The following ROBO2 variants were observed in gnomAD, a reference collection of about 807,000 sequenced individuals.
ROBO2 encodes the protein roundabout guidance receptor 2.
ROBO2 carries 53 observed loss-of-function variants against 160.8 expected under a neutral mutation model. The observed-to-expected ratio is 0.33, with a 90% CI of 0.26 to 0.41. The LOEUF is 0.41. Ranked by LOEUF, ROBO2 falls within the 10% of genes least tolerant of loss-of-function variation. The pLI is 1.00. For missense variants in ROBO2, 1,577 were observed against 1,722.4 expected (o/e 0.92, Z 1.49); for synonymous variants, 664 against 611.7 (o/e 1.09, Z -1.26).
intron 2 of ROBO2, among the ~76,000 whole-genome samples, chr3:76,214,568 G>A (rs1429398719): frequency 6.6e-6 from 1 of 152,192 alleles, no homozygotes; most frequent in African/African-American, 2.4e-5. Flanking sequence ...CTCATTGCTA[G>A]CACAGCAGTC....
At chr3:76,367,452 C>A (rs1051816688) in intron 2 of ROBO2, among the ~76,000 whole-genome samples, 1 of 151,836 alleles carries the variant, frequency 6.6e-6, no homozygotes, top group Non-Finnish European at 1.5e-5. Flanking sequence ...TAGCACATTG[C>A]GGGATACTAG....
intron 2 of ROBO2, among the ~76,000 whole-genome samples, chr3:76,863,398 AC>A (rs1295274154): frequency 6.6e-6 from 1 of 150,862 alleles, no homozygotes; most frequent in Non-Finnish European, 1.5e-5. Context: ...TGATTACGTC[AC>A]TCCATTCCAG....
chr3:76,685,851 AT>A (rs1305284838), intron 2 of ROBO2, among the ~76,000 whole-genome samples: 2 of 152,144 alleles, frequency 1.3e-5, no homozygotes, highest in Non-Finnish European at 2.9e-5. Context: ...TATTTAAATG[AT>A]TTAGATACGC....
At chr3:77,190,967 T>A (rs1344757386) in intron 2 of ROBO2, among the ~76,000 whole-genome samples, 2 of 152,092 alleles carry the variant, frequency 1.3e-5, no homozygotes, top group East Asian at 3.9e-4. Context: ...AAGTCCATTT[T>A]TAAATAGGTG....
intron 17 of ROBO2, among the ~76,000 whole-genome samples, chr3:77,593,992 C>T (rs370935450): frequency 2.0e-5 from 3 of 152,002 alleles, no homozygotes; most frequent in African/African-American, 4.8e-5. Context: ...TCCTTCATCC[C>T]GGTGATTGGT....
chr3:77,086,419 C>T lies in ROBO2; in HGVS notation c.62-11595C>T, dbSNP rs545621301. On this transcript the variant is annotated intron_variant, in intron 1 of 25. Transcript: ENST00000461745. ...ATTTGCCTGAGTTCACACTTCTTTT[C>T]GGCATTTGAAAAAGAAATTTCAAGT... Among the ~76,000 whole-genome samples, 210 of 152,166 alleles carry T rather than the reference C, an allele frequency of 1.4e-3. 1 individual carries two copies. The highest frequency in any genetic ancestry group is 2.5e-3 in the Non-Finnish European group (167 of 67,976).
chr3:76,869,539 C>T lies in ROBO2; in HGVS notation c.110-228475C>T, dbSNP rs547974604. Among the ~76,000 whole-genome samples, 469 of 151,552 alleles carry T rather than the reference C, an allele frequency of 3.1e-3. 2 individuals are homozygous for T. The highest frequency in any genetic ancestry group is 4.0e-3 in the Non-Finnish European group (270 of 67,862). On this transcript the variant is annotated intron_variant, in intron 2 of 26. Coordinates refer to the ROBO2 transcript ENST00000487694. ...ATTTTTTTTGTATTTTTAGTGGAGA[C>T]GGGGTTTCACCGTGTTGGCCAGGAT...
chr3:76,602,081 T>C (rs2087194353), intron 2 of ROBO2, among the ~76,000 whole-genome samples: 1 of 152,314 alleles, frequency 6.6e-6, no homozygotes, highest in East Asian at 1.9e-4. Flanking sequence ...TGCTCCAGTT[T>C]CCAGCAGGTT....
intron 2 of ROBO2, among the ~76,000 whole-genome samples, chr3:77,233,299 G>T (rs1560300270): frequency 6.6e-6 from 1 of 152,158 alleles, no homozygotes; most frequent in African/African-American, 2.4e-5. Flanking sequence ...TAATGCAAAA[G>T]AAATAATCCT....
At chr3:76,006,933 T>A (rs72630355) in intron 2 of ROBO2, among the ~76,000 whole-genome samples, 42,584 of 151,794 alleles carry the variant, frequency 0.28, 6,281 homozygotes, top group East Asian at 0.36. Flanking sequence ...ATTTCTTTTT[T>A]AAAAAATATA....
chr3:77,433,917 T>G (rs756932552), intron 2 of ROBO2, among the ~76,000 whole-genome samples: 3 of 152,086 alleles, frequency 2.0e-5, no homozygotes, highest in Non-Finnish European at 4.4e-5. Context: ...CTAAATATAA[T>G]TGGGAATCCA....
chr3:77,088,605 A>G (rs1219016341), intron 1 of ROBO2, among the ~76,000 whole-genome samples: 1 of 152,170 alleles, frequency 6.6e-6, no homozygotes. Context: ...TAAGATACCT[A>G]TCCAATATAG....
At chr3:76,134,690 C>T (rs953139600) in intron 2 of ROBO2, among the ~76,000 whole-genome samples, 12 of 151,976 alleles carry the variant, frequency 7.9e-5, no homozygotes, top group East Asian at 1.9e-4. Context: ...TGACCCCTTA[C>T]GAAAGGACCA....
At chr3:77,191,001 G>C (rs945981650) in intron 2 of ROBO2, among the ~76,000 whole-genome samples, 1 of 151,974 alleles carries the variant, frequency 6.6e-6, no homozygotes, top group South Asian at 2.1e-4. Flanking sequence ...TTCAAATGTT[G>C]TAAGCAAAAA....
At position 77,618,470 on chromosome 3, in the gene ROBO2, A is replaced by G. The variant is rs1465668346; in HGVS notation, c.3554+697A>G. Among the ~76,000 whole-genome samples the G allele has an allele frequency of 2.0e-5, 3 of 152,306 alleles. No individual in the cohort carries two copies. The East Asian group carries it at 5.8e-4, about 29-fold the overall frequency. Reference sequence around the variant, plus strand: ...ATGGGACTAACGCTAACAGTTTTATACAGGATTTTTGTTATTCAATCTTTC... The same window carrying G: ...ATGGGACTAACGCTAACAGTTTTATGCAGGATTTTTGTTATTCAATCTTTC... On this transcript the variant is annotated intron_variant, in intron 22 of 25. Transcript: ENST00000461745.
chr3:77,420,722 C>A (rs1581801171), intron 2 of ROBO2, among the ~76,000 whole-genome samples: 1 of 152,222 alleles, frequency 6.6e-6, no homozygotes, highest in East Asian at 1.9e-4. Flanking sequence ...CCTGAAGCTC[C>A]TTTCAGGCTA....
At chr3:77,244,957 T>TA (rs2089544320) in intron 2 of ROBO2, among the ~76,000 whole-genome samples, 1 of 151,122 alleles carries the variant, frequency 6.6e-6, no homozygotes, top group African/African-American at 2.4e-5. Context: ...AACAGCTTTT[T>TA]TTTTTTATCA....
At chr3:76,477,082 A>G (rs1312781391) in intron 2 of ROBO2, among the ~76,000 whole-genome samples, 1 of 152,000 alleles carries the variant, frequency 6.6e-6, no homozygotes, top group Non-Finnish European at 1.5e-5. Flanking sequence ...GATCCTGTCT[A>G]CTCCGTGGAG....
At chr3:77,162,874 G>A (rs2078617507) in intron 2 of ROBO2, among the ~76,000 whole-genome samples, 1 of 151,726 alleles carries the variant, frequency 6.6e-6, no homozygotes, top group African/African-American at 2.4e-5. Flanking sequence ...CTGTCTCCCA[G>A]GCTGGAGTTT....
Sources: allele counts gnomAD v4.1 joint callset (sites outside exome capture counted in the v4.1 genomes callset), GRCh38; gene constraint gnomAD v4.1.1; transcripts MANE v1.5; gene names NCBI Gene and HGNC (gene_info 2026-07-23, HGNC 2026-07-21).